MVD: variants seen among roughly 807,000 people sequenced by gnomAD.
The protein encoded by MVD is diphosphomevalonate decarboxylase.
MVD carries 52 observed loss-of-function variants against 42.4 expected under a neutral mutation model. That is an observed-to-expected ratio of 1.23 (90% CI 0.98 to 1.55). The LOEUF is 1.55. Among genes scored for constraint, MVD ranks in the 40% most tolerant of loss-of-function variants. The pLI is 0.00. For synonymous variants in MVD, 287 were observed against 243.2 expected (o/e 1.18, Z -1.68); for missense variants, 663 against 572.1 (o/e 1.16, Z -1.62).
At chr16:88,655,831 G>A (rs971133893) in intron 5 of MVD, 101 bp from the exon 6 acceptor site, 37 of 1,386,222 alleles carry the variant, frequency 2.7e-5, no homozygotes, top group Middle Eastern at 3.6e-4. Context: ...TGCAGGCAGC[G>A]GGGGTGGGAG....
chr16:88,660,189 G>A (rs919532818), intron 1 of MVD, among the ~76,000 whole-genome samples: 2 of 152,118 alleles, frequency 1.3e-5, no homozygotes, highest in Non-Finnish European at 2.9e-5. Flanking sequence ...GCCTGGTGGG[G>A]ATGGGACAGC....
intron 1 of MVD, among the ~76,000 whole-genome samples, chr16:88,660,327 C>T (rs1226373205): frequency 5.3e-5 from 8 of 152,204 alleles, no homozygotes; most frequent in Admixed American, 3.9e-4. Flanking sequence ...CTGAACGTTA[C>T]AAGAAAATGG....
At chr16:88,654,543 C>T in intron 8 of MVD, 149 bp downstream of exon 8, 1 of 715,854 alleles carries the variant, frequency 1.4e-6, no homozygotes, top group Non-Finnish European at 2.2e-6. Context: ...TATGGGGACA[C>T]CCTGCCCGTG....
At chr16:88,657,002 C>A in intron 4 of MVD, 1 of 355,898 alleles carries the variant, frequency 2.8e-6, no homozygotes, top group Non-Finnish European at 5.5e-6. Flanking sequence ...CATTGGAATC[C>A]TCAGTTACGT....
At chr16:88,657,046 C>T (rs1004211680) in intron 4 of MVD, 1 of 374,856 alleles carries the variant, frequency 2.7e-6, no homozygotes, top group African/African-American at 2.1e-5. Flanking sequence ...TAGGGCTGAG[C>T]CAGTTTGAAG....
In MVD at chr16:88,655,375, C is replaced by A; in HGVS notation, c.721G>T (p.Ala241Ser). The change falls in exon 7 of 10, where the codon GCC becomes TCC. Residue 241 changes from alanine to serine, a missense_variant. By Grantham distance (99) the Ala-to-Ser change is moderately conservative (BLOSUM62 1). Coordinates refer to ENST00000301012, the MANE Select transcript of MVD (RefSeq NM_002461.3). ...AAGTCTCGCTCCCGGATGCAGCGGG[C>A]CATCTCCGCCATGCGCGCGGGCACC... ...SVVPARMAEM[A>S]RCIRERDFPS... The A allele has an allele frequency of 1.9e-6, 3 of 1,596,300 alleles. No individual in the cohort carries two copies. The highest frequency in any genetic ancestry group is 2.6e-6 in the Non-Finnish European group (3 of 1,172,858).
In MVD at chr16:88,653,337, G is replaced by T. The variant is rs201844867; in HGVS notation, c.1085C>A (p.Pro362Gln). ...GATGTATTTGACCCCACCGGGGGTC[G>T]GCTCCATGGCCAGCGCAGCCTGAAG... ...AELQAALAME[P>Q]TPGGVKYIIV... Residue 362 changes from proline to glutamine, a missense_variant, in exon 9 of 10, where the codon CCG becomes CAG. Physicochemically the swap from Pro to Gln is moderately conservative, Grantham distance 76 (BLOSUM62 -1). Transcript: ENST00000301012. 1.2e-6 allele frequency: 2 copies of T among 1,600,484 alleles called. No homozygotes were observed. Among genetic ancestry groups the T allele is most frequent in the Non-Finnish European group, 1.7e-6 (2 of 1,176,538 alleles).
intron 1 of MVD, among the ~76,000 whole-genome samples, chr16:88,662,523 A>G (rs1179746935): frequency 1.2e-4 from 18 of 152,210 alleles, no homozygotes; most frequent in Admixed American, 1.2e-3. Flanking sequence ...CGGGCCCCCC[A>G]TTACCGCTCC....
At chr16:88,662,877 C>T in intron 1 of MVD, 134 bp downstream of exon 1, 1 of 1,469,492 alleles carries the variant, frequency 6.8e-7, no homozygotes, top group Admixed American at 2.5e-5. Flanking sequence ...GCGCCCCTCC[C>T]TGAGCCTCAG....
At chr16:88,657,305 GC>G in intron 4 of MVD, 130 bp downstream of exon 4, 1 of 1,258,902 alleles carries the variant, frequency 7.9e-7, no homozygotes, top group Non-Finnish European at 1.1e-6. Flanking sequence ...CTCCAGAGAG[GC>G]CAGGGAGGCC....
Position 88,656,243 on chromosome 16 carries a change from GC to G in MVD, c.464del (p.Gly155AlafsTer48), listed in dbSNP as rs768612153. 8.1e-6 allele frequency: 13 copies of G among 1,599,320 alleles called. No homozygotes were observed. The highest frequency in any genetic ancestry group is 1.3e-5 in the African/African-American group (1 of 74,918). ...ACAGGCTCCGGCAGGCGCTGCCTGA[GC>G]CCCGGCGAGCCACTTCTGAGAGGTC... ...ESDLSEVARR[G>X]SGSACRSLYG... On this transcript the variant is annotated frameshift_variant, in exon 5 of 10. Transcript: ENST00000301012.
chr16:88,654,998 G>C, intron 7 of MVD, 191 bp from the exon 8 acceptor site: 1 of 855,676 alleles, frequency 1.2e-6, no homozygotes, highest in Non-Finnish European at 1.8e-6. Flanking sequence ...GGAAGAAGGT[G>C]GTGGGGCCGT....
Position 88,656,317 on chromosome 16 carries a change from G to A in MVD, c.404-13C>T, listed in dbSNP as rs373959655. The A allele has an allele frequency of 2.5e-5, 40 of 1,598,550 alleles. No homozygotes were observed. Among genetic ancestry groups the A allele is most frequent in the South Asian group, 7.7e-5 (7 of 91,076 alleles). On this transcript the variant is annotated splice_polypyrimidine_tract_variant and intron_variant, in intron 4 of 9. Coordinates refer to ENST00000301012, the MANE Select transcript of MVD (RefSeq NM_002461.3). ...GCCAGGGTGTAGGCTGCAGGCATGC[G>A]GATTCAGGGAGGGTCCTCAGAGCTG... is the stretch of plus-strand genomic sequence containing the variant.
rs987905779 is a variant in MVD, at chr16:88,655,394, G to C, written c.702C>G (p.Pro234=). ...LLRFRAESVV[P]ARMAEMARCI... ...AGCGGGCCATCTCCGCCATGCGCGC[G>C]GGCACCACGGACTCGGCCCGGAACT... Residue 234 remains proline (P), a synonymous_variant, in exon 7 of 10, where the codon CCC becomes CCG. Coordinates refer to ENST00000301012, the MANE Select transcript of MVD (RefSeq NM_002461.3). The C allele has an allele frequency of 1.9e-6, 3 of 1,587,048 alleles. No homozygotes were observed. Among genetic ancestry groups the C allele is most frequent in the South Asian group, 2.3e-5 (2 of 87,550 alleles).
In MVD at chr16:88,652,577, T is replaced by C; in HGVS notation, c.1151A>G (p.Asp384Gly). 1.3e-6 allele frequency: 2 copies of C among 1,568,258 alleles called. No individual in the cohort carries two copies. Among genetic ancestry groups the C allele is most frequent in the South Asian group, 1.2e-5 (1 of 85,304 alleles). ...QVGPGPQILDDPCAHLLGPDG... is the reference protein window; with the variant it reads ...QVGPGPQILDGPCAHLLGPDG... ...AGGACCCAGGAGGTGGGCGCAGGGG[T>C]CATCCAGGATTTGAGGCCCTGGCCC... Residue 384 changes from aspartate (D) to glycine (G), a missense_variant, in exon 10 of 10, where the codon GAC becomes GGC. By Grantham distance (94) the Asp-to-Gly change is moderately conservative (BLOSUM62 -1). Transcript: ENST00000301012.
Position 88,652,461 on chromosome 16 carries a change from T to C in MVD, c.*64A>G. The C allele has an allele frequency of 6.6e-7, 1 of 1,524,130 alleles. No homozygotes were observed. Among genetic ancestry groups the C allele is most frequent in the African/African-American group, 1.4e-5 (1 of 72,550 alleles). The allele number at this position is 1,524,130 out of a possible 1,614,324, so 94.4% of individuals were successfully genotyped here. On this transcript the variant is annotated 3_prime_UTR_variant, in exon 10 of 10. Transcript: ENST00000301012. The stretch of plus-strand genomic sequence containing the variant: ...CCAGGAGTCCGGCCAGCCCACCACA[T>C]CCGCTCCCTAGCTCCGGCGAGGCCA...
At chr16:88,658,401 C>G (rs780786941) in intron 2 of MVD, among the ~76,000 whole-genome samples, 1 of 152,130 alleles carries the variant, frequency 6.6e-6, no homozygotes, top group Non-Finnish European at 1.5e-5. Flanking sequence ...GCTAGGCCAT[C>G]TCATCCTAGC....
At chr16:88,652,691 T>C in intron 9 of MVD, 86 bp from the exon 10 acceptor site, 1 of 1,298,874 alleles carries the variant, frequency 7.7e-7, no homozygotes, top group Non-Finnish European at 1.1e-6. Flanking sequence ...CACAGGAGGG[T>C]AGCGGTGTGC....
In MVD at chr16:88,656,241, G is replaced by A; in HGVS notation, c.467C>T (p.Ser156Leu). Residue 156 changes from serine (S) to leucine (L), a missense_variant, in exon 5 of 10, where the codon TCA becomes TTA. Coordinates refer to ENST00000301012, the MANE Select transcript of MVD (RefSeq NM_002461.3). The part of the protein sequence containing the change: ...SDLSEVARRG[S>L]GSACRSLYGG... ...ATACAGGCTCCGGCAGGCGCTGCCT[G>A]AGCCCCGGCGAGCCACTTCTGAGAG... The A allele has an allele frequency of 6.3e-7, 1 of 1,599,488 alleles. No individual in the cohort carries two copies.
Sources: allele counts gnomAD v4.1 joint callset (sites outside exome capture counted in the v4.1 genomes callset), GRCh38; gene constraint gnomAD v4.1.1; transcripts MANE v1.5; gene names NCBI Gene and HGNC (gene_info 2026-07-23, HGNC 2026-07-21).